ANKRD13C: variants seen among roughly 807,000 people sequenced by gnomAD.
ANKRD13C encodes the protein ankyrin repeat domain 13C.
In ANKRD13C, 16 loss-of-function variants were observed where a neutral mutation model predicts 65.5. The observed-to-expected ratio is 0.24, with a 90% confidence interval of 0.17 to 0.37. ANKRD13C has a LOEUF of 0.37. Among genes scored for constraint, ANKRD13C ranks in the 10% least tolerant of loss-of-function variants. ANKRD13C has a pLI of 1.00. For synonymous variants in ANKRD13C, 235 were observed against 238.7 expected, an observed-to-expected ratio of 0.98 and a Z score of 0.14; for missense variants, 503 against 655.9, an observed-to-expected ratio of 0.77 and a Z score of 2.55.
At position 70,283,645 on chromosome 1, in the gene ANKRD13C, T is replaced by TCTCTA. The variant is rs564699243; in HGVS notation, c.1216-6806_1216-6802dup. 7.6e-3 allele frequency among the ~76,000 whole-genome samples: 1,162 copies of TCTCTA among 151,926 alleles called. 17 individuals are homozygous for TCTCTA. The highest frequency in any genetic ancestry group is 0.027 in the African/African-American group (1,106 of 41,412). On this transcript the variant is annotated intron_variant, in intron 9 of 12. Transcript: ENST00000370944. Reference sequence around the variant, plus strand: ...GCCTGACCAACATGATGAAACCCCGTCTCTACTAAAAATACAAAAATTAGC... The same window carrying TCTCTA: ...GCCTGACCAACATGATGAAACCCCGTCTCTACTCTACTAAAAATACAAAAATTAGC...
intron 11 of ANKRD13C, among the ~76,000 whole-genome samples, chr1:70,271,667 C>T (rs1485699278): frequency 6.6e-6 from 1 of 152,028 alleles, no homozygotes; most frequent in East Asian, 1.9e-4. Flanking sequence ...CTTTTCTGCC[C>T]GGATGCCTTT....
intron 1 of ANKRD13C, among the ~76,000 whole-genome samples, chr1:70,344,782 C>T (rs1186426871): frequency 2.0e-5 from 3 of 151,830 alleles, no homozygotes; most frequent in Non-Finnish European, 4.4e-5. Context: ...TTAAGGATCA[C>T]AAAACCTTTT....
At position 70,304,458 on chromosome 1, in the gene ANKRD13C, G is replaced by A. The variant is rs189436974; in HGVS notation, c.776+1766C>T. 6.6e-5 allele frequency among the ~76,000 whole-genome samples: 10 copies of A among 150,642 alleles called. No homozygotes were observed. In the East Asian group the frequency reaches 1.0e-3, roughly 15 times the overall value. ...GTTGCCCAGGCTAAAGTGCAGTGTC[G>A]TGATTACAGCTCACTGCAGCCTCAA... On this transcript the variant is annotated intron_variant, in intron 6 of 12. Transcript: ENST00000370944.
In ANKRD13C at chr1:70,260,619, T is replaced by G. The variant is rs1384622480; in HGVS notation, c.*2098A>C. On this transcript the variant is annotated 3_prime_UTR_variant, in exon 13 of 13. Coordinates refer to ENST00000370944, the MANE Select transcript of ANKRD13C (RefSeq NM_030816.5). ...AAAAGTAATACTGTGAAAAGTTTATTTGCATCGATTAATTCCTTTTTTTCA... is the reference window on the plus strand; with the variant it reads ...AAAAGTAATACTGTGAAAAGTTTATGTGCATCGATTAATTCCTTTTTTTCA... The G allele has an allele frequency of 6.6e-6, 1 of 152,172 alleles. No homozygotes were observed. Among genetic ancestry groups the G allele is most frequent in the African/African-American group, 2.4e-5 (1 of 41,466 alleles). 9.4% of individuals were successfully genotyped at this position (152,172 alleles called of 1,614,324 possible).
Position 70,306,292 on chromosome 1 carries a change from T to G in ANKRD13C, c.710-2A>C. The G allele has an allele frequency of 6.5e-7, 1 of 1,534,594 alleles. No homozygotes were observed. Among genetic ancestry groups the G allele is most frequent in the Non-Finnish European group, 8.8e-7 (1 of 1,137,466 alleles). ...GCAGAATTCGGGAAAGTAAAGGCACTGTATTTTTAAAAACAAAAGGTAAAA... is the reference window on the plus strand; with the variant it reads ...GCAGAATTCGGGAAAGTAAAGGCACGGTATTTTTAAAAACAAAAGGTAAAA... On this transcript the variant is annotated splice_acceptor_variant, in intron 5 of 12. Coordinates refer to ENST00000370944, the MANE Select transcript of ANKRD13C (RefSeq NM_030816.5). LOFTEE classifies it high-confidence loss of function.
intron 9 of ANKRD13C, among the ~76,000 whole-genome samples, chr1:70,288,361 T>G (rs971282427): frequency 6.6e-6 from 1 of 152,212 alleles, no homozygotes. Flanking sequence ...CTAACTACCA[T>G]ATGACATAGA....
At position 70,315,504 on chromosome 1, in the gene ANKRD13C, G is replaced by A. The variant is rs1037402044; in HGVS notation, c.640C>T (p.Arg214Ter). ...ACCTCTTTCAGGGCTTTTAATAATCGAGGTCGTTTTTCTTCAACACTTTCC... is the reference window on the plus strand; with the variant it reads ...ACCTCTTTCAGGGCTTTTAATAATCAAGGTCGTTTTTCTTCAACACTTTCC... The part of the protein sequence containing the change: ...SRESVEEKRP[R>*]LLKALKELGD... The change falls in exon 4 of 13, where the codon CGA becomes TGA. Residue 214 changes from arginine to a stop codon, truncating the protein, a stop_gained. Coordinates refer to ENST00000370944, the MANE Select transcript of ANKRD13C (RefSeq NM_030816.5). LOFTEE classifies it high-confidence loss of function. The A allele has an allele frequency of 1.2e-6, 2 of 1,603,496 alleles. No individual in the cohort carries two copies. The highest frequency in any genetic ancestry group is 8.5e-7 in the Non-Finnish European group (1 of 1,173,818).
At chr1:70,275,560 T>C (rs2101138532) in intron 10 of ANKRD13C, among the ~76,000 whole-genome samples, 1 of 152,172 alleles carries the variant, frequency 6.6e-6, no homozygotes, top group Non-Finnish European at 1.5e-5. Context: ...AATTATGTAG[T>C]ACTTAGCAGA....
At position 70,354,648 on chromosome 1, in the gene ANKRD13C, A is replaced by T. The variant is rs1682921325; in HGVS notation, c.-240T>A. 3.1e-6 allele frequency: 3 copies of T among 980,526 alleles called. No homozygotes were observed. The East Asian group carries it at 7.9e-5, about 26-fold the overall frequency. 60.7% of individuals were successfully genotyped at this position (980,526 alleles called of 1,614,324 possible). A position where few individuals can be genotyped will look rare whatever the true frequency, so the allele number is the denominator to read the frequency against. On this transcript the variant is annotated 5_prime_UTR_variant, in exon 1 of 13. Transcript: ENST00000370944. ...GAACTCAGGTGCCCACGACACCAGG[A>T]TCTCAGTCTCGCCGTCGCAGCCGCC...
rs551840345 is a variant in ANKRD13C at position 70,333,622 on chromosome 1, G to A, written c.472+2436C>T. On this transcript the variant is annotated intron_variant, in intron 2 of 12. Transcript: ENST00000370944. ...ATAAACTGGACCAATCAAACTTTTT[G>A]CTCAGAAATTTGCGAACCTAAGAAA... Among the ~76,000 whole-genome samples, 8 of 152,272 alleles carry A rather than the reference G, an allele frequency of 5.3e-5. No homozygotes were observed. The South Asian group carries it at 1.0e-3, about 20-fold the overall frequency.
intron 8 of ANKRD13C, 41 bp downstream of exon 8, chr1:70,296,089 C>T (rs372460619): frequency 1.4e-5 from 22 of 1,595,778 alleles, no homozygotes; most frequent in Admixed American, 7.0e-5. Context: ...TATTAAATAC[C>T]GAACAATGCT....
chr1:70,277,921 C>T (rs1033362615), intron 9 of ANKRD13C, among the ~76,000 whole-genome samples: 3 of 152,002 alleles, frequency 2.0e-5, no homozygotes, highest in African/African-American at 4.8e-5. Context: ...GGTGCAGTGG[C>T]TCATGCCTGT....
At chr1:70,343,266 G>C (rs1028560016) in intron 1 of ANKRD13C, among the ~76,000 whole-genome samples, 5 of 152,102 alleles carry the variant, frequency 3.3e-5, no homozygotes, top group African/African-American at 1.2e-4. Context: ...CTGGCTAACA[G>C]TGAATTTACT....
intron 2 of ANKRD13C, among the ~76,000 whole-genome samples, chr1:70,329,588 T>G (rs982756719): frequency 6.6e-6 from 1 of 151,868 alleles, no homozygotes; most frequent in Non-Finnish European, 1.5e-5. Context: ...TGCACAACAA[T>G]AGCTAAAGGA....
chr1:70,349,954 G>A (rs56211824), intron 1 of ANKRD13C, among the ~76,000 whole-genome samples: 16,864 of 152,086 alleles, frequency 0.11, 1,149 homozygotes, highest in East Asian at 0.33. Flanking sequence ...TGGCCAACAC[G>A]GTGAAACCCT....
At chr1:70,299,012 T>C (rs1439772368) in intron 7 of ANKRD13C, among the ~76,000 whole-genome samples, 2 of 152,154 alleles carry the variant, frequency 1.3e-5, no homozygotes, top group African/African-American at 4.8e-5. Flanking sequence ...TTGAGGAGCT[T>C]AGACCAATAG....
chr1:70,265,810 G>A (rs1173202208), intron 12 of ANKRD13C, among the ~76,000 whole-genome samples: 2 of 113,588 alleles, frequency 1.8e-5, no homozygotes, highest in Non-Finnish European at 3.4e-5. Flanking sequence ...GTGCAACAGT[G>A]TCAGACCTTG....
intron 6 of ANKRD13C, among the ~76,000 whole-genome samples, chr1:70,302,669 T>A (rs1680419315): frequency 2.3e-5 from 2 of 88,734 alleles, no homozygotes; most frequent in South Asian, 8.0e-4. Flanking sequence ...GAGCTTGCAG[T>A]GAGCCGAGAT....
intron 6 of ANKRD13C, among the ~76,000 whole-genome samples, chr1:70,301,808 A>C (rs1257479294): frequency 6.6e-6 from 1 of 152,232 alleles, no homozygotes; most frequent in East Asian, 1.9e-4. Context: ...TTTACAATAC[A>C]CTGACGTGCT....
Sources: gnomAD v4.1 joint callset for allele counts (sites outside exome capture counted in the v4.1 genomes callset) on GRCh38, gnomAD v4.1.1 for gene constraint, MANE v1.5 for transcripts, NCBI Gene and HGNC (gene_info 2026-07-23, HGNC 2026-07-21) for gene names.